Variants in GPATCH1 observed in about 807,000 individuals in gnomAD.
GPATCH1 encodes G patch domain-containing protein 1.
GPATCH1 carries 73 observed loss-of-function variants against 114.9 expected under a neutral mutation model. The ratio of observed to expected loss-of-function variants is 0.64; its 90% confidence interval spans 0.53 to 0.77. The LOEUF (loss-of-function observed/expected upper bound fraction) is 0.77, where lower values mean the gene tolerates loss of function less well. GPATCH1 is among the 30% of genes least tolerant of loss of function. The probability of loss-of-function intolerance (pLI) is 0.00; values close to 1 mark genes in which losing one functional copy is unlikely to be tolerated. For synonymous variants in GPATCH1, 391 were observed against 428.4 expected, an observed-to-expected ratio of 0.91 and a Z score of 1.08; for missense variants, 1,058 against 1,144.3, an observed-to-expected ratio of 0.92 and a Z score of 1.09.
chr19:33,116,675 G>A (rs930662595), intron 15 of GPATCH1, among the ~76,000 whole-genome samples: 7 of 152,002 alleles, frequency 4.6e-5, no homozygotes, highest in Non-Finnish European at 8.8e-5. Flanking sequence ...GACTACAGGC[G>A]CCCGCCACCA....
intron 17 of GPATCH1, among the ~76,000 whole-genome samples, chr19:33,119,510 C>T (rs1193215384): frequency 2.0e-5 from 3 of 150,596 alleles, no homozygotes; most frequent in South Asian, 2.1e-4. Flanking sequence ...CCATTCTGGC[C>T]AACATAGTGA....
At chr19:33,126,152 G>C (rs1285418848) in intron 18 of GPATCH1, among the ~76,000 whole-genome samples, 3 of 152,226 alleles carry the variant, frequency 2.0e-5, no homozygotes. Flanking sequence ...CCTTACCAGT[G>C]TATCTGCTGT....
chr19:33,126,452 C>G (rs1358017206), intron 18 of GPATCH1, 136 bp from the exon 19 acceptor site: 4 of 1,315,296 alleles, frequency 3.0e-6, no homozygotes, highest in Non-Finnish European at 3.1e-6. Flanking sequence ...TAGGCTCTCA[C>G]TCTCACTCAC....
At chr19:33,087,115 G>A (rs1972541715) in intron 1 of GPATCH1, among the ~76,000 whole-genome samples, 2 of 152,142 alleles carry the variant, frequency 1.3e-5, no homozygotes, top group African/African-American at 4.8e-5. Context: ...TTGAGGCACA[G>A]AGAGTCAAGG....
chr19:33,115,076 T>C (rs958112144), intron 15 of GPATCH1, among the ~76,000 whole-genome samples: 6 of 150,682 alleles, frequency 4.0e-5, no homozygotes, highest in African/African-American at 1.2e-4. Context: ...TTTTTTTTTT[T>C]CTCTGACACC....
At chr19:33,114,223 T>C (rs746176565) in intron 14 of GPATCH1, 30 bp from the exon 15 acceptor site, 20 of 1,577,924 alleles carry the variant, frequency 1.3e-5, no homozygotes, top group Non-Finnish European at 1.7e-5. Context: ...TTGCTAATGC[T>C]GGAGTTTATA....
At chr19:33,112,745 CTA>C (rs1972871789) in intron 13 of GPATCH1, 132 bp downstream of exon 13, 1 of 593,356 alleles carries the variant, frequency 1.7e-6, no homozygotes, top group Admixed American at 3.7e-5. Context: ...ATATACAAAT[CTA>C]CACATTTTAT....
intron 19 of GPATCH1, 58 bp downstream of exon 19, chr19:33,126,791 GAT>G: frequency 7.1e-7 from 1 of 1,399,648 alleles, no homozygotes. Context: ...TTGAGTGCTT[GAT>G]GTGTTTGCTT....
At chr19:33,102,472 C>T (rs1029244107) in intron 9 of GPATCH1, among the ~76,000 whole-genome samples, 2 of 148,022 alleles carry the variant, frequency 1.4e-5, no homozygotes, top group African/African-American at 5.1e-5. Context: ...TCTCAGCTCA[C>T]CGCAACCTCC....
intron 8 of GPATCH1, 110 bp downstream of exon 8, chr19:33,098,012 C>T (rs918057458): frequency 1.1e-5 from 11 of 1,028,050 alleles, no homozygotes; most frequent in East Asian, 7.2e-5. Flanking sequence ...GTCAAAGTCA[C>T]GGTAAGAAAC....
intron 17 of GPATCH1, among the ~76,000 whole-genome samples, chr19:33,120,271 C>A (rs1339718663): frequency 3.3e-4 from 40 of 120,254 alleles, no homozygotes; most frequent in African/African-American, 1.1e-3. Flanking sequence ...TTATATATAA[C>A]AATTATATAT....
At position 33,093,492 on chromosome 19, in the gene GPATCH1, T is replaced by G; in HGVS notation, c.428T>G (p.Leu143Arg). The G allele has an allele frequency of 6.2e-7, 1 of 1,613,896 alleles. No homozygotes were observed. Among genetic ancestry groups the G allele is most frequent in the Non-Finnish European group, 8.5e-7 (1 of 1,179,884 alleles). Reference protein sequence around the residue: ...AATAPIPGATLLDDLITPAKL... With the variant: ...AATAPIPGATRLDDLITPAKL... ...ACTGCCCCTATTCCTGGAGCCACCC[T>G]CCTTGATGACCTCATAACGCCAGCA... is the stretch of plus-strand genomic sequence containing the variant. Residue 143 changes from leucine (L) to arginine (R), a missense_variant, in exon 4 of 20, where the codon CTC (leucine) becomes CGC (arginine). By Grantham distance (102) the Leu-to-Arg change is moderately radical. Around this residue, in one of 3 missense-constraint regions of GPATCH1, gnomAD observed 893 missense variants for 977.4 expected, o/e 0.91. Coordinates refer to ENST00000170564, the MANE Select transcript of GPATCH1 (RefSeq NM_018025.3).
chr19:33,117,097 A>G (rs1179296263), intron 15 of GPATCH1, among the ~76,000 whole-genome samples: 1 of 152,040 alleles, frequency 6.6e-6, no homozygotes, highest in East Asian at 1.9e-4. Context: ...TCAAGGGGCT[A>G]CGGTTGGAGG....
At position 33,119,012 on chromosome 19, in the gene GPATCH1, C is replaced by T; in HGVS notation, c.2416C>T (p.Leu806Phe). Residue 806 changes from leucine to phenylalanine, a missense_variant and splice_region_variant, in exon 17 of 20, where the codon CTT becomes TTT. By Grantham distance (22) the Leu-to-Phe change is conservative (BLOSUM62 0). This residue lies in a region of GPATCH1 where 893 missense variants were observed against 977.4 expected (regional missense o/e 0.91). Transcript: ENST00000170564. Reference protein sequence around the residue: ...LGETSSVAHALVPAPQEPPPS... With the variant: ...LGETSSVAHAFVPAPQEPPPS... ...ATGAACACCCCGCTGTTTTTCAGCT[C>T]TTGTGCCAGCACCCCAGGAGCCGCC... 6.2e-7 allele frequency: 1 copy of T among 1,601,726 alleles called. No individual in the cohort carries two copies. Among genetic ancestry groups the T allele is most frequent in the Non-Finnish European group, 8.5e-7 (1 of 1,171,674 alleles).
intron 10 of GPATCH1, among the ~76,000 whole-genome samples, chr19:33,108,141 G>C (rs1022308591): frequency 3.9e-5 from 6 of 151,974 alleles, no homozygotes; most frequent in African/African-American, 7.3e-5. Context: ...CATTTCCGTG[G>C]CCTCCCGGGT....
At chr19:33,083,583 C>A (rs969426603) in intron 1 of GPATCH1, among the ~76,000 whole-genome samples, 13 of 151,370 alleles carry the variant, frequency 8.6e-5, no homozygotes, top group Admixed American at 3.3e-4. Context: ...TTAGTAGAGA[C>A]AGGGTTTCGC....
In GPATCH1 at chr19:33,088,270, T is replaced by G. The variant is rs1599849929; in HGVS notation, c.208+2T>G. The G allele has an allele frequency of 6.3e-7, 1 of 1,593,432 alleles. No homozygotes were observed. Among genetic ancestry groups the G allele is most frequent in the Non-Finnish European group, 8.5e-7 (1 of 1,169,614 alleles). Reference sequence around the variant, plus strand: ...TCAATACTGTTGGCTCAAAAGAAGGTATCATTTTCCTAATTGTAGCTATTA... The same window carrying G: ...TCAATACTGTTGGCTCAAAAGAAGGGATCATTTTCCTAATTGTAGCTATTA... On this transcript the variant is annotated splice_donor_variant, in intron 2 of 19. Coordinates refer to ENST00000170564, the MANE Select transcript of GPATCH1 (RefSeq NM_018025.3). LOFTEE classifies it high-confidence loss of function.
intron 9 of GPATCH1, among the ~76,000 whole-genome samples, chr19:33,103,903 G>A (rs1374064794): frequency 6.6e-6 from 1 of 152,094 alleles, no homozygotes; most frequent in Non-Finnish European, 1.5e-5. Flanking sequence ...CTCTGGAGTA[G>A]GGCTTTGGGC....
rs1435829999 is a variant in GPATCH1 at position 33,106,832 on chromosome 19, G to A, written c.1218G>A (p.Gly406=). The A allele has an allele frequency of 1.2e-6, 2 of 1,613,874 alleles. No homozygotes were observed. Among genetic ancestry groups the A allele is most frequent in the African/African-American group, 2.7e-5 (2 of 74,868 alleles). ...CTGGAAAGGCAACGCCTGACCCAGG[G>A]ACACACAGTAAGCACCAACTGAATG... is the stretch of plus-strand genomic sequence containing the variant. The part of the protein sequence containing the change: ...ESAGKATPDP[G]THSKHQLNAS... The change falls in exon 10 of 20, where the codon GGG becomes GGA. Residue 406 remains glycine, a synonymous_variant. Transcript: ENST00000170564.
Sources: gnomAD v4.1 joint callset for allele counts (sites outside exome capture counted in the v4.1 genomes callset) on GRCh38, gnomAD v4.1.1 for gene constraint, gnomAD v4.1.1 regional missense constraint, MANE v1.5 for transcripts, NCBI Gene and HGNC (gene_info 2026-07-23, HGNC 2026-07-21) for gene names.